Variants in MSRA observed in about 807,000 individuals in gnomAD.
MSRA encodes methionine sulfoxide reductase A.
In MSRA, 54 loss-of-function variants were observed where a neutral mutation model predicts 31.3. That is an observed-to-expected ratio of 1.73 (90% CI 1.39 to 2.17). The LOEUF is 2.17. Ranked by LOEUF, MSRA falls within the 30% of genes most tolerant of loss-of-function variation. The pLI, the probability that MSRA is intolerant of heterozygous loss-of-function variation, is 0.00. For synonymous variants in MSRA, 169 were observed against 116.5 expected (o/e 1.45, Z -2.90); for missense variants, 507 against 300.9 (o/e 1.69, Z -5.07).
At chr8:10,254,022 C>T (rs1335916409) in intron 3 of MSRA, among the ~76,000 whole-genome samples, 5 of 152,066 alleles carry the variant, frequency 3.3e-5, no homozygotes, top group Admixed American at 2.6e-4. Flanking sequence ...TTCCTGGGGC[C>T]GTGCCTCCGA....
At chr8:10,215,943 G>A (rs1006557506) in intron 2 of MSRA, among the ~76,000 whole-genome samples, 1 of 152,068 alleles carries the variant, frequency 6.6e-6, no homozygotes, top group Non-Finnish European at 1.5e-5. Flanking sequence ...GGATGTTCAG[G>A]AGAAACAATC....
At chr8:10,306,780 C>G (rs1388133156) in intron 4 of MSRA, among the ~76,000 whole-genome samples, 1 of 152,088 alleles carries the variant, frequency 6.6e-6, no homozygotes, top group Non-Finnish European at 1.5e-5. Context: ...GTGCCTCGAG[C>G]CAAGCCACAG....
chr8:10,151,327 T>C (rs1405680917), intron 1 of MSRA, among the ~76,000 whole-genome samples: 4 of 148,272 alleles, frequency 2.7e-5, no homozygotes, highest in African/African-American at 1.0e-4. Flanking sequence ...GTGGAAAGGA[T>C]TTAGAGAGGA....
chr8:10,129,260 G>C (rs1023879766), intron 1 of MSRA, among the ~76,000 whole-genome samples: 1 of 152,136 alleles, frequency 6.6e-6, no homozygotes, highest in East Asian at 1.9e-4. Flanking sequence ...ATTGGTAGTG[G>C]TAGCATGGTA....
rs10665004 is a variant in MSRA, at chr8:10,113,292, C to CTTTTTTTTTTTTTTTTTTTTTTTTTTTTT, written c.142+58656_142+58657insTTTTTTTTTTTTTTTTTTTTTTTTTTTTT. On this transcript the variant is annotated intron_variant, in intron 1 of 5. Transcript: ENST00000317173. The stretch of plus-strand genomic sequence containing the variant: ...CATGGCTTTGGTGAAGACAGGTCTT[C>CTTTTTTTTTTTTTTTTTTTTTTTTTTTTT]TTTTTTTTTTTTTTTTTTTTTTGGA... 1.4e-4 allele frequency among the ~76,000 whole-genome samples: 8 copies of CTTTTTTTTTTTTTTTTTTTTTTTTTTTTT among 57,604 alleles called. 2 individuals are homozygous for CTTTTTTTTTTTTTTTTTTTTTTTTTTTTT. Among genetic ancestry groups the CTTTTTTTTTTTTTTTTTTTTTTTTTTTTT allele is most frequent in the Non-Finnish European group, 1.7e-4 (6 of 34,494 alleles). 37.8% of individuals were successfully genotyped at this position (57,604 alleles called of 152,430 possible).
chr8:10,125,161 G>T (rs1274550372), intron 1 of MSRA, among the ~76,000 whole-genome samples: 1 of 152,168 alleles, frequency 6.6e-6, no homozygotes, highest in Non-Finnish European at 1.5e-5. Flanking sequence ...CATTGTAATG[G>T]GTGTGACGGC....
chr8:10,209,918 A>G (rs1809324977), intron 2 of MSRA, among the ~76,000 whole-genome samples: 1 of 152,264 alleles, frequency 6.6e-6, no homozygotes, highest in Admixed American at 6.5e-5. Flanking sequence ...TTGACATCTA[A>G]GAATTCTTAC....
At chr8:10,359,962 A>G (rs1023746549) in intron 5 of MSRA, among the ~76,000 whole-genome samples, 48 of 152,230 alleles carry the variant, frequency 3.2e-4, no homozygotes, top group African/African-American at 1.2e-3. Flanking sequence ...CCCCTCCTCC[A>G]CTTTTACCTG....
intron 3 of MSRA, among the ~76,000 whole-genome samples, chr8:10,274,289 A>G (rs12681109): frequency 0.083 from 12,652 of 152,238 alleles, 805 homozygotes; most frequent in East Asian, 0.34. Flanking sequence ...ATTGTTTTCA[A>G]ATATTTGAAA....
chr8:10,240,645 C>G (rs1472336163), intron 2 of MSRA, among the ~76,000 whole-genome samples: 1 of 152,338 alleles, frequency 6.6e-6, no homozygotes, highest in Non-Finnish European at 1.5e-5. Flanking sequence ...AGCCAAGCCA[C>G]TTGCTGCTGC....
At chr8:10,077,559 G>C (rs1798057436) in intron 1 of MSRA, among the ~76,000 whole-genome samples, 1 of 140,058 alleles carries the variant, frequency 7.1e-6, no homozygotes, top group South Asian at 2.4e-4. Flanking sequence ...ATGAGCTCAA[G>C]TGACCCTCCC....
intron 5 of MSRA, among the ~76,000 whole-genome samples, chr8:10,342,814 G>C (rs956807061): frequency 6.6e-6 from 1 of 152,232 alleles, no homozygotes; most frequent in Non-Finnish European, 1.5e-5. Flanking sequence ...CCAGTTGAGT[G>C]ACTTAGGGAC....
chr8:10,089,958 A>C (rs571282008), intron 1 of MSRA, among the ~76,000 whole-genome samples: 1 of 152,168 alleles, frequency 6.6e-6, no homozygotes, highest in Non-Finnish European at 1.5e-5. Flanking sequence ...CCACCTCCCA[A>C]CACCATCACA....
intron 1 of MSRA, among the ~76,000 whole-genome samples, chr8:10,098,837 T>C (rs1440728260): frequency 1.3e-5 from 2 of 152,226 alleles, no homozygotes; most frequent in Non-Finnish European, 2.9e-5. Context: ...GAGCCACTGC[T>C]CACATGCTAG....
chr8:10,150,579 C>G (rs1803577776), intron 1 of MSRA, among the ~76,000 whole-genome samples: 1 of 152,032 alleles, frequency 6.6e-6, no homozygotes, highest in African/African-American at 2.4e-5. Context: ...AATATATGAC[C>G]TCAAATCTAC....
In MSRA at chr8:10,407,718, G is replaced by C. The variant is rs551880370; in HGVS notation, c.544-20430G>C. Among the ~76,000 whole-genome samples the C allele has an allele frequency of 4.6e-4, 70 of 152,298 alleles. 1 individual carries two copies. In the South Asian group the frequency reaches 0.014, roughly 31 times the overall value. On this transcript the variant is annotated intron_variant, in intron 5 of 5. Transcript: ENST00000317173. ...AGAAGACTCTGGATCCCAGGAAATG[G>C]TGGGGCACAGAGTGAGGCACAGAGC...
chr8:10,054,785 T>G (rs1802224110), intron 1 of MSRA, 127 bp downstream of exon 1: 1 of 1,125,590 alleles, frequency 8.9e-7, no homozygotes, highest in Non-Finnish European at 1.1e-6. Context: ...GGGGTGGGGG[T>G]CTGCGCAGGC....
At chr8:10,272,484 A>T (rs1467658545) in intron 3 of MSRA, among the ~76,000 whole-genome samples, 1 of 152,200 alleles carries the variant, frequency 6.6e-6, no homozygotes, top group African/African-American at 2.4e-5. Flanking sequence ...GTTTTGTTCT[A>T]TTCAGGCCTT....
At chr8:10,105,007 C>A (rs150616371) in intron 1 of MSRA, among the ~76,000 whole-genome samples, 6 of 152,110 alleles carry the variant, frequency 3.9e-5, no homozygotes, top group African/African-American at 1.4e-4. Flanking sequence ...TTTGCTGTTA[C>A]GTTTATTGGT....
Sources: gnomAD v4.1 joint callset for allele counts (sites outside exome capture counted in the v4.1 genomes callset) on GRCh38, gnomAD v4.1.1 for gene constraint, MANE v1.5 for transcripts, NCBI Gene and HGNC (gene_info 2026-07-23, HGNC 2026-07-21) for gene names.